Variants in ALPK1 observed in about 807,000 individuals in gnomAD.
The protein encoded by ALPK1 is alpha kinase 1.
A neutral mutation model predicts 120.6 loss-of-function variants in ALPK1; 110 were observed. That is an observed-to-expected ratio of 0.91 (90% CI 0.78 to 1.07). The LOEUF is 1.07. Ranked by LOEUF, ALPK1 falls within the 50% of genes least tolerant of loss-of-function variation. The pLI is 0.00. For synonymous variants in ALPK1, 582 were observed against 560.3 expected (o/e 1.04, Z -0.55); for missense variants, 1,498 against 1,483.9 (o/e 1.01, Z -0.16).
chr4:112,421,689 T>A (rs537370918), intron 5 of ALPK1, among the ~76,000 whole-genome samples: 13 of 152,286 alleles, frequency 8.5e-5, no homozygotes, highest in African/African-American at 2.6e-4. Flanking sequence ...ACATTTCTGT[T>A]TATGTCTTCT....
intron 5 of ALPK1, among the ~76,000 whole-genome samples, chr4:112,419,254 A>T (rs1733881308): frequency 6.6e-6 from 1 of 152,236 alleles, no homozygotes; most frequent in Admixed American, 6.5e-5. Flanking sequence ...CATGATTTCG[A>T]TACTAATTTT....
intron 4 of ALPK1, among the ~76,000 whole-genome samples, chr4:112,391,828 T>C (rs2051905372): frequency 6.6e-6 from 1 of 152,220 alleles, no homozygotes; most frequent in Admixed American, 6.5e-5. Flanking sequence ...TCACCCAGTT[T>C]ATGGCCTTCT....
chr4:112,345,405 G>T (rs1730058601), intron 2 of ALPK1, among the ~76,000 whole-genome samples: 1 of 152,178 alleles, frequency 6.6e-6, no homozygotes, highest in Non-Finnish European at 1.5e-5. Context: ...ACAATGTGTT[G>T]TTGGCAACAC....
intron 4 of ALPK1, among the ~76,000 whole-genome samples, chr4:112,398,177 G>T (rs760844457): frequency 7.2e-5 from 11 of 152,164 alleles, no homozygotes; most frequent in Admixed American, 5.2e-4. Context: ...TGGAGGATGA[G>T]CAAAGAGTCT....
At chr4:112,439,440 T>C (rs1734930233) in intron 13 of ALPK1, among the ~76,000 whole-genome samples, 1 of 152,212 alleles carries the variant, frequency 6.6e-6, no homozygotes, top group South Asian at 2.1e-4. Context: ...GTTTAATATG[T>C]GAATGACAAT....
chr4:112,386,685 A>G (rs1375881402), intron 4 of ALPK1, among the ~76,000 whole-genome samples: 1 of 152,156 alleles, frequency 6.6e-6, no homozygotes, highest in Admixed American at 6.5e-5. Flanking sequence ...GCCCTGCCCT[A>G]TAGGCTTTGA....
At chr4:112,423,200 G>T (rs1378863991) in intron 5 of ALPK1, among the ~76,000 whole-genome samples, 2 of 152,210 alleles carry the variant, frequency 1.3e-5, no homozygotes, top group African/African-American at 4.8e-5. Context: ...AAGAAGAAGA[G>T]AGGAAGCCTT....
intron 2 of ALPK1, among the ~76,000 whole-genome samples, chr4:112,323,474 G>A (rs1038775086): frequency 1.3e-5 from 2 of 152,110 alleles, no homozygotes; most frequent in African/African-American, 4.8e-5. Context: ...CACATAGCAG[G>A]TATCCAGAAA....
intron 2 of ALPK1, among the ~76,000 whole-genome samples, chr4:112,354,446 C>G (rs1730506208): frequency 6.6e-6 from 1 of 152,028 alleles, no homozygotes; most frequent in African/African-American, 2.4e-5. Context: ...TTTTCTTTTA[C>G]TGTTTTTTGT....
chr4:112,429,709 ACG>A (rs1734440490), intron 10 of ALPK1, among the ~76,000 whole-genome samples: 3 of 151,948 alleles, frequency 2.0e-5, no homozygotes, highest in Admixed American at 2.0e-4. Context: ...GTGTGGTGGT[ACG>A]TGCCTATAGT....
At chr4:112,305,099 A>G (rs1158101729) in intron 1 of ALPK1, among the ~76,000 whole-genome samples, 2 of 152,000 alleles carry the variant, frequency 1.3e-5, no homozygotes, top group South Asian at 2.1e-4. Flanking sequence ...GTTCTGTTCC[A>G]TTGATCTATA....
At chr4:112,402,335 G>T (rs1732955103) in intron 4 of ALPK1, among the ~76,000 whole-genome samples, 1 of 152,208 alleles carries the variant, frequency 6.6e-6, no homozygotes, top group African/African-American at 2.4e-5. Flanking sequence ...TGAACCCATA[G>T]CTGGGACCTA....
chr4:112,441,478 A>G lies in ALPK1; in HGVS notation c.*268A>G. On this transcript the variant is annotated 3_prime_UTR_variant, in exon 16 of 16. Transcript: ENST00000650871. Reference sequence around the variant, plus strand: ...GATGAAAAGCACTCTTGAGAAAGGCATGTGTTGTTTAAGCCATTGAGATTT... The same window carrying G: ...GATGAAAAGCACTCTTGAGAAAGGCGTGTGTTGTTTAAGCCATTGAGATTT... The G allele has an allele frequency of 2.0e-6, 1 of 504,646 alleles. No individual in the cohort carries two copies. The highest frequency in any genetic ancestry group is 3.5e-6 in the Non-Finnish European group (1 of 282,760). The allele number at this position is 504,646 out of a possible 1,614,324, so 31.3% of individuals were successfully genotyped here.
intron 2 of ALPK1, among the ~76,000 whole-genome samples, chr4:112,341,433 C>G (rs1203262895): frequency 6.6e-6 from 1 of 152,200 alleles, no homozygotes; most frequent in Non-Finnish European, 1.5e-5. Flanking sequence ...ATTTCCTTAA[C>G]TTCCATTTTA....
intron 5 of ALPK1, chr4:112,414,608 C>CCA (rs544600672): frequency 1.6e-4 from 23 of 146,956 alleles, no homozygotes; most frequent in Non-Finnish European, 2.7e-4. Flanking sequence ...GACTTCGTCT[C>CCA]AAAAAAAAAA....
In ALPK1 at chr4:112,431,775, C is replaced by A. The variant is rs763635594; in HGVS notation, c.2228C>A (p.Ala743Asp). ...CATCCTTCAGTCCAAAAAGAAGAAG[C>A]CTTTGAAATAATTGTTGAGTTTCCA... is the stretch of plus-strand genomic sequence containing the variant. Reference protein sequence around the residue: ...GTHPSVQKEEAFEIIVEFPET... With the variant: ...GTHPSVQKEEDFEIIVEFPET... Residue 743 changes from alanine (A) to aspartate (D), a missense_variant, in exon 11 of 16, where the codon GCC becomes GAC. Ala to Asp is a moderately radical substitution (Grantham distance 126). Coordinates refer to ENST00000650871, the MANE Select transcript of ALPK1 (RefSeq NM_025144.4). 2 of 1,614,056 alleles carry A rather than the reference C, an allele frequency of 1.2e-6. No homozygotes were observed. The highest frequency in any genetic ancestry group is 1.7e-6 in the Non-Finnish European group (2 of 1,180,044).
At chr4:112,365,802 A>C (rs1731123245) in intron 2 of ALPK1, among the ~76,000 whole-genome samples, 1 of 152,252 alleles carries the variant, frequency 6.6e-6, no homozygotes, top group Non-Finnish European at 1.5e-5. Flanking sequence ...CCTGATTTCA[A>C]ACTATACTAT....
intron 4 of ALPK1, chr4:112,383,434 A>G (rs1031739708): frequency 2.0e-5 from 3 of 152,140 alleles, no homozygotes; most frequent in Non-Finnish European, 4.4e-5. Flanking sequence ...GTCTTTGCCC[A>G]TTCAAGCAAA....
intron 12 of ALPK1, among the ~76,000 whole-genome samples, chr4:112,437,542 G>A (rs1734838921): frequency 6.6e-6 from 1 of 152,202 alleles, no homozygotes; most frequent in South Asian, 2.1e-4. Context: ...TTCTGAATTA[G>A]TTCAAACCCT....
Sources: allele counts gnomAD v4.1 joint callset (sites outside exome capture counted in the v4.1 genomes callset), GRCh38; gene constraint gnomAD v4.1.1; transcripts MANE v1.5; gene names NCBI Gene and HGNC (gene_info 2026-07-23, HGNC 2026-07-21).